SLC4A10: variants seen among roughly 807,000 people sequenced by gnomAD.
The protein encoded by SLC4A10 is solute carrier family 4 member 10.
Under a neutral mutation model 137.7 loss-of-function variants are expected in SLC4A10, and 42 were observed. The ratio of observed to expected loss-of-function variants is 0.30; its 90% CI spans 0.24 to 0.39. The LOEUF (loss-of-function observed/expected upper bound fraction) is 0.39. Among genes scored for constraint, SLC4A10 ranks in the 10% least tolerant of loss-of-function variants. The pLI, the probability that SLC4A10 is intolerant of heterozygous loss-of-function variation, is 1.00. For missense variants in SLC4A10, 925 were observed against 1,355.0 expected, an observed-to-expected ratio of 0.68 and a Z score of 4.98; for synonymous variants, 474 against 464.1, an observed-to-expected ratio of 1.02 and a Z score of -0.27.
chr2:161,976,873 A>C lies in SLC4A10; in HGVS notation c.3341A>C (p.Lys1114Thr). 4 of 1,550,984 alleles carry C rather than the reference A, an allele frequency of 2.6e-6. No individual in the cohort carries two copies. Among genetic ancestry groups the C allele is most frequent in the Non-Finnish European group, 3.5e-6 (4 of 1,140,802 alleles). ...GATAAGGAGTCAAGCTTTCCTTCCAAAAGGTTTGGATTTTAAAATAATGAG... is the reference window on the plus strand; with the variant it reads ...GATAAGGAGTCAAGCTTTCCTTCCACAAGGTTTGGATTTTAAAATAATGAG... ...SKDKESSFPSKSSPS is the reference protein window; with the variant it reads ...SKDKESSFPSTSSPS The change falls in exon 25 of 27, where the codon AAA (lysine) becomes ACA (threonine). Residue 1114 changes from lysine to threonine, a missense_variant. Physicochemically the swap from Lys to Thr is moderately conservative, Grantham distance 78. Around this residue, in one of 11 missense-constraint regions of SLC4A10, gnomAD observed 84 missense variants for 76.9 expected, o/e 1.09. Transcript: ENST00000446997.
intron 1 of SLC4A10, among the ~76,000 whole-genome samples, chr2:161,732,990 T>G (rs2046965117): frequency 6.6e-6 from 1 of 152,168 alleles, no homozygotes; most frequent in African/African-American, 2.4e-5. Flanking sequence ...CAGCAAAGCA[T>G]TCAAAAGGTG....
chr2:161,695,972 T>C (rs560441065), intron 1 of SLC4A10, among the ~76,000 whole-genome samples: 46 of 152,286 alleles, frequency 3.0e-4, no homozygotes, highest in Non-Finnish European at 4.3e-4. Flanking sequence ...TGCAGGTTTG[T>C]TACATATGTA....
At chr2:161,979,930 A>T (rs1699980035) in intron 26 of SLC4A10, among the ~76,000 whole-genome samples, 1 of 152,212 alleles carries the variant, frequency 6.6e-6, no homozygotes, top group Admixed American at 6.5e-5. Flanking sequence ...TGTTGTCAAA[A>T]ATATTTTATC....
At chr2:161,778,886 A>T (rs1010412756) in intron 2 of SLC4A10, among the ~76,000 whole-genome samples, 2 of 151,980 alleles carry the variant, frequency 1.3e-5, no homozygotes, top group African/African-American at 2.4e-5. Context: ...GGCAAAAAGA[A>T]TCAGCTTACT....
intron 15 of SLC4A10, among the ~76,000 whole-genome samples, chr2:161,940,708 C>T (rs550111880): frequency 2.0e-5 from 3 of 152,190 alleles, no homozygotes; most frequent in East Asian, 1.9e-4. Flanking sequence ...TTGGTAGCTT[C>T]GTGAAAGAGA....
At chr2:161,817,620 A>T (rs879864758) in intron 3 of SLC4A10, among the ~76,000 whole-genome samples, 1 of 152,140 alleles carries the variant, frequency 6.6e-6, no homozygotes, top group Admixed American at 6.5e-5. Flanking sequence ...TTAGTCTAAC[A>T]TGTAAGTCTT....
intron 1 of SLC4A10, among the ~76,000 whole-genome samples, chr2:161,678,988 A>G (rs2105839248): frequency 6.6e-6 from 1 of 152,230 alleles, no homozygotes; most frequent in African/African-American, 2.4e-5. Context: ...CTAGGAATGA[A>G]ATTGTTAGGA....
At chr2:161,898,950 C>T (rs1039523991) in intron 11 of SLC4A10, among the ~76,000 whole-genome samples, 1 of 152,138 alleles carries the variant, frequency 6.6e-6, no homozygotes, top group Non-Finnish European at 1.5e-5. Flanking sequence ...ACTTATTCTT[C>T]TCTCCTCAAG....
intron 1 of SLC4A10, among the ~76,000 whole-genome samples, chr2:161,751,794 G>A (rs1472610466): frequency 6.6e-6 from 1 of 151,778 alleles, no homozygotes; most frequent in East Asian, 1.9e-4. Context: ...TCTATTAAAT[G>A]AAGACTTTAG....
intron 1 of SLC4A10, among the ~76,000 whole-genome samples, chr2:161,712,061 T>C (rs1054605370): frequency 3.3e-5 from 5 of 151,856 alleles, no homozygotes; most frequent in African/African-American, 1.2e-4. Flanking sequence ...CTTAATCTCT[T>C]TATCAAATAA....
intron 1 of SLC4A10, among the ~76,000 whole-genome samples, chr2:161,691,533 T>A (rs1323610491): frequency 1.3e-5 from 2 of 152,154 alleles, no homozygotes; most frequent in African/African-American, 4.8e-5. Flanking sequence ...TCTATAATGT[T>A]ATTATGTATT....
Position 161,736,842 on chromosome 2 carries a change from G to C in SLC4A10, c.49-34131G>C, listed in dbSNP as rs138847690. 2.6e-3 allele frequency among the ~76,000 whole-genome samples: 392 copies of C among 152,104 alleles called. 5 individuals carry two copies. The highest frequency in any genetic ancestry group is 8.6e-3 in the African/African-American group (357 of 41,504). ...TCTCTCTTAAACATCCTTATAAATG[G>C]AAGTATTATTATTATTATTGTTATT... is the stretch of plus-strand genomic sequence containing the variant. On this transcript the variant is annotated intron_variant, in intron 1 of 26. Transcript: ENST00000446997.
chr2:161,655,720 G>T (rs1190122162), intron 1 of SLC4A10, among the ~76,000 whole-genome samples: 1 of 152,010 alleles, frequency 6.6e-6, no homozygotes, highest in African/African-American at 2.4e-5. Context: ...ACCAGACAAA[G>T]ACATTATAAG....
chr2:161,820,546 A>T (rs1039869325), intron 3 of SLC4A10, among the ~76,000 whole-genome samples: 1 of 152,178 alleles, frequency 6.6e-6, no homozygotes, highest in African/African-American at 2.4e-5. Context: ...CGTTATATAA[A>T]TGAAATCATA....
At position 161,783,379 on chromosome 2, in the gene SLC4A10, T is replaced by C. The variant is rs1299043633; in HGVS notation, c.130+12325T>C. Among the ~76,000 whole-genome samples the C allele has an allele frequency of 2.0e-5, 3 of 151,838 alleles. No homozygotes were observed. In the East Asian group the frequency reaches 5.8e-4, roughly 29 times the overall value. On this transcript the variant is annotated intron_variant, in intron 2 of 26. Coordinates refer to ENST00000446997, the MANE Select transcript of SLC4A10 (RefSeq NM_001178015.2). ...AAATGCTAAGGGAACCTCCTTAACTTGAAATGAAAGGACACTAAACAGCAA... is the reference window on the plus strand; with the variant it reads ...AAATGCTAAGGGAACCTCCTTAACTCGAAATGAAAGGACACTAAACAGCAA...
intron 20 of SLC4A10, among the ~76,000 whole-genome samples, chr2:161,957,738 T>C (rs1695920451): frequency 6.6e-6 from 1 of 152,086 alleles, no homozygotes. Context: ...TCATTGCATA[T>C]AGTGATTTTT....
At chr2:161,927,417 T>C (rs1689371123) in intron 15 of SLC4A10, among the ~76,000 whole-genome samples, 1 of 152,208 alleles carries the variant, frequency 6.6e-6, no homozygotes, top group Non-Finnish European at 1.5e-5. Context: ...CATCAGCTCC[T>C]TTAAGCACTT....
Position 161,656,846 on chromosome 2 carries a change from C to T in SLC4A10, c.48+32280C>T, listed in dbSNP as rs11896897. Among the ~76,000 whole-genome samples, 549 of 151,980 alleles carry T rather than the reference C, an allele frequency of 3.6e-3. 3 individuals are homozygous for T. The highest frequency in any genetic ancestry group is 0.012 in the African/African-American group (509 of 41,516). ...ATGCATATATGTTCTTTGTTAATAT[C>T]GGTGTTTATTTCATTTGATTTTACA... On this transcript the variant is annotated intron_variant, in intron 1 of 26. Coordinates refer to ENST00000446997, the MANE Select transcript of SLC4A10 (RefSeq NM_001178015.2).
chr2:161,896,697 C>G (rs2063543504), intron 11 of SLC4A10, among the ~76,000 whole-genome samples: 1 of 151,956 alleles, frequency 6.6e-6, no homozygotes, highest in Admixed American at 6.6e-5. Context: ...AATAGCATAA[C>G]CCATCAAGAA....
Sources: gnomAD v4.1 joint callset for allele counts (sites outside exome capture counted in the v4.1 genomes callset) on GRCh38, gnomAD v4.1.1 for gene constraint, gnomAD v4.1.1 regional missense constraint, MANE v1.5 for transcripts, NCBI Gene and HGNC (gene_info 2026-07-23, HGNC 2026-07-21) for gene names.